Variants in DNAH14 observed in about 807,000 individuals in gnomAD.
DNAH14 encodes axonemal beta dynein heavy chain 14.
In DNAH14, 478 loss-of-function variants were observed where a neutral mutation model predicts 520.9. The observed-to-expected ratio is 0.92, with a 90% confidence interval of 0.85 to 0.99. The LOEUF (loss-of-function observed/expected upper bound fraction) is 0.99. Ranked by LOEUF, DNAH14 falls within the 50% of genes least tolerant of loss-of-function variation. DNAH14 has a pLI of 0.00. For missense variants in DNAH14, 4,831 were observed against 5,234.5 expected (o/e 0.92, Z 2.38); for synonymous variants, 1,581 against 1,757.2 (o/e 0.90, Z 2.51).
intron 8 of DNAH14, among the ~76,000 whole-genome samples, chr1:224,977,508 T>C (rs2061946094): frequency 6.6e-6 from 1 of 152,108 alleles, no homozygotes; most frequent in Admixed American, 6.5e-5. Context: ...AAAAAGAATG[T>C]TCTTATGATA....
At chr1:225,336,966 G>A (rs1196013664) in intron 66 of DNAH14, among the ~76,000 whole-genome samples, 2 of 152,122 alleles carry the variant, frequency 1.3e-5, no homozygotes, top group African/African-American at 4.8e-5. Context: ...ATGCGTTAGA[G>A]TCTACGAGCC....
At chr1:225,255,597 G>A (rs1283334958) in intron 44 of DNAH14, among the ~76,000 whole-genome samples, 1 of 152,182 alleles carries the variant, frequency 6.6e-6, no homozygotes, top group East Asian at 1.9e-4. Flanking sequence ...GGGAATCCCT[G>A]AGTAGTCTCC....
At position 225,069,637 on chromosome 1, in the gene DNAH14, G is replaced by A. The variant is rs112789903; in HGVS notation, c.2425-9570G>A. 3.9e-3 allele frequency among the ~76,000 whole-genome samples: 588 copies of A among 152,184 alleles called. 5 individuals are homozygous for A. Among genetic ancestry groups the A allele is most frequent in the African/African-American group, 0.013 (556 of 41,544 alleles). ...GTATTTTGTTGAGGACTTTTGCACT[G>A]GTGTTCATCAAGGATACTGGCCTGA... On this transcript the variant is annotated intron_variant, in intron 17 of 85. Coordinates refer to ENST00000682510, the MANE Select transcript of DNAH14 (RefSeq NM_001367479.1).
chr1:225,291,349 A>G (rs1487922559), intron 55 of DNAH14, among the ~76,000 whole-genome samples: 2 of 152,046 alleles, frequency 1.3e-5, no homozygotes, highest in African/African-American at 2.4e-5. Context: ...TTCTTGATAT[A>G]CTGATTTCCT....
At chr1:225,300,359 T>C (rs370138703) in intron 55 of DNAH14, among the ~76,000 whole-genome samples, 92 of 152,270 alleles carry the variant, frequency 6.0e-4, no homozygotes, top group African/African-American at 2.2e-3. Flanking sequence ...AATGTTTAAA[T>C]GAATGAATGG....
intron 27 of DNAH14, among the ~76,000 whole-genome samples, chr1:225,125,480 A>C (rs1003551274): frequency 2.0e-5 from 3 of 152,160 alleles, no homozygotes; most frequent in Non-Finnish European, 4.4e-5. Context: ...CTTTTACATT[A>C]CTGAGACAGC....
intron 8 of DNAH14, among the ~76,000 whole-genome samples, chr1:224,985,241 G>A (rs546070061): frequency 2.0e-5 from 3 of 152,082 alleles, no homozygotes; most frequent in Non-Finnish European, 4.4e-5. Flanking sequence ...CAATAGGCAT[G>A]TAAAGAAACC....
rs544642897 is a variant in DNAH14, at chr1:225,049,452, A to G, written c.1913-758A>G. Among the ~76,000 whole-genome samples, 147 of 152,168 alleles carry G rather than the reference A, an allele frequency of 9.7e-4. 1 individual carries two copies. Among genetic ancestry groups the G allele is most frequent in the African/African-American group, 3.3e-3 (139 of 41,520 alleles). On this transcript the variant is annotated intron_variant, in intron 15 of 85. Transcript: ENST00000682510. Reference sequence around the variant, plus strand: ...TCTGAATACAATTCTTTTATCATACATATGACTTGCAAACAATCTTTGTGA... The same window carrying G: ...TCTGAATACAATTCTTTTATCATACGTATGACTTGCAAACAATCTTTGTGA...
intron 8 of DNAH14, among the ~76,000 whole-genome samples, chr1:224,982,826 A>G (rs2062368955): frequency 1.3e-5 from 2 of 152,146 alleles, no homozygotes; most frequent in Admixed American, 6.5e-5. Flanking sequence ...TGGTTGATAC[A>G]ATTTCAGTTT....
chr1:225,297,375 T>C (rs915367721), intron 55 of DNAH14, among the ~76,000 whole-genome samples: 6 of 152,164 alleles, frequency 3.9e-5, no homozygotes, highest in Non-Finnish European at 1.5e-5. Context: ...TTCTGTATGA[T>C]TGCAACCTGT....
At chr1:224,957,410 T>G (rs1317184992) in intron 3 of DNAH14, among the ~76,000 whole-genome samples, 1 of 152,034 alleles carries the variant, frequency 6.6e-6, no homozygotes, top group Non-Finnish European at 1.5e-5. Context: ...TCAGAGAAGT[T>G]AGGGCTGAGG....
intron 27 of DNAH14, 139 bp from the exon 28 acceptor site, chr1:225,140,629 G>A (rs1186327008): frequency 1.5e-6 from 1 of 674,726 alleles, no homozygotes; most frequent in African/African-American, 1.8e-5. Context: ...ACACAAATGT[G>A]TAAGGTCTCT....
intron 10 of DNAH14, among the ~76,000 whole-genome samples, chr1:225,015,174 C>G (rs1471938955): frequency 1.3e-5 from 2 of 152,076 alleles, no homozygotes; most frequent in Non-Finnish European, 2.9e-5. Context: ...CACTTTCAGT[C>G]TGTGCATGTC....
At position 224,960,253 on chromosome 1, in the gene DNAH14, T is replaced by C. The variant is rs2060761377; in HGVS notation, c.318T>C (p.His106=). 1.2e-6 allele frequency: 2 copies of C among 1,611,734 alleles called. No homozygotes were observed. Among genetic ancestry groups the C allele is most frequent in the Middle Eastern group, 3.3e-4 (2 of 6,044 alleles). The change falls in exon 4 of 86, where the codon CAT becomes CAC. Residue 106 remains histidine (H), a synonymous_variant. Transcript: ENST00000682510. The part of the protein sequence containing the change: ...GKSRRKKDQT[H]ACPNVRKARP... ...CAAGGAGAAAAAAGGATCAAACTCATGCTTGTCCAAATGTTAGGAAAGCCA... is the reference window on the plus strand; with the variant it reads ...CAAGGAGAAAAAAGGATCAAACTCACGCTTGTCCAAATGTTAGGAAAGCCA...
chr1:225,368,710 A>AT (rs2095582722), intron 77 of DNAH14, among the ~76,000 whole-genome samples: 1 of 152,110 alleles, frequency 6.6e-6, no homozygotes, highest in Non-Finnish European at 1.5e-5. Flanking sequence ...TAAAAAAAAA[A>AT]CTTTCTGAGG....
At position 225,051,466 on chromosome 1, in the gene DNAH14, A is replaced by G. The variant is rs1279535589; in HGVS notation, c.2095A>G (p.Thr699Ala). The G allele has an allele frequency of 4.0e-6, 6 of 1,494,994 alleles. No individual in the cohort carries two copies. Among genetic ancestry groups the G allele is most frequent in the Non-Finnish European group, 5.3e-6 (6 of 1,122,216 alleles). The allele number at this position is 1,494,994 out of a possible 1,614,324, so 92.6% of individuals were successfully genotyped here. Residue 699 changes from threonine to alanine, a missense_variant, in exon 17 of 86, where the codon ACT becomes GCT. Transcript: ENST00000682510. ...AYQNIIVNLL[T>A]IIGNSMGLVN... is the part of the protein sequence containing the mutation. The stretch of plus-strand genomic sequence containing the variant: ...TTCTTTACAGATTGTGAATCTCCTG[A>G]CTATTATTGGTAATTCAATGGGCCT...
intron 36 of DNAH14, among the ~76,000 whole-genome samples, chr1:225,174,843 T>C (rs1232703762): frequency 6.6e-6 from 1 of 152,222 alleles, no homozygotes; most frequent in Non-Finnish European, 1.5e-5. Flanking sequence ...TTGATGTATG[T>C]CCCTTCTATG....
intron 64 of DNAH14, among the ~76,000 whole-genome samples, chr1:225,327,935 A>G (rs1384959311): frequency 6.6e-6 from 1 of 152,132 alleles, no homozygotes; most frequent in East Asian, 1.9e-4. Context: ...ATTTAAAAGA[A>G]TGAATAAAGC....
intron 75 of DNAH14, among the ~76,000 whole-genome samples, chr1:225,362,243 A>G (rs894910548): frequency 9.9e-5 from 15 of 152,234 alleles, no homozygotes; most frequent in Non-Finnish European, 1.9e-4. Context: ...ATGATACATT[A>G]AAAATATTCA....
Sources: gnomAD v4.1 joint callset for allele counts (sites outside exome capture counted in the v4.1 genomes callset) on GRCh38, gnomAD v4.1.1 for gene constraint, MANE v1.5 for transcripts, NCBI Gene and HGNC (gene_info 2026-07-23, HGNC 2026-07-21) for gene names.